Variants in TTLL5 observed in about 807,000 individuals in gnomAD.
TTLL5 encodes the protein tubulin polyglutamylase TTLL5.
A neutral mutation model predicts 168.4 loss-of-function variants in TTLL5; 132 were observed. That is an observed-to-expected ratio of 0.78 (90% CI 0.68 to 0.91). The LOEUF (loss-of-function observed/expected upper bound fraction) is 0.91. Among genes scored for constraint, TTLL5 ranks in the 40% least tolerant of loss-of-function variants. TTLL5 has a pLI of 0.00. For synonymous variants in TTLL5, 546 were observed against 558.6 expected, an observed-to-expected ratio of 0.98 and a Z score of 0.32; for missense variants, 1,545 against 1,581.5, an observed-to-expected ratio of 0.98 and a Z score of 0.39.
intron 17 of TTLL5, 33 bp downstream of exon 17, chr14:75,745,614 C>T (rs769303685): frequency 9.2e-5 from 143 of 1,558,220 alleles, no homozygotes; most frequent in Non-Finnish European, 1.0e-4. Context: ...TTATTCTTTA[C>T]CTGAGGTCCA....
chr14:75,949,867 A>T (rs1213137945), intron 31 of TTLL5, among the ~76,000 whole-genome samples: 1 of 152,158 alleles, frequency 6.6e-6, no homozygotes, highest in African/African-American at 2.4e-5. Flanking sequence ...AAAGAAAAAA[A>T]AAAAAGTTAC....
rs565584612 is a variant in TTLL5, at chr14:75,730,545, T to C, written c.1043-1793T>C. Among the ~76,000 whole-genome samples, 8 of 152,324 alleles carry C rather than the reference T, an allele frequency of 5.3e-5. No homozygotes were observed. In the South Asian group the frequency reaches 1.7e-3, roughly 32 times the overall value. On this transcript the variant is annotated intron_variant, in intron 12 of 31. Coordinates refer to ENST00000298832, the MANE Select transcript of TTLL5 (RefSeq NM_015072.5). ...CAACTCATTCATGGAAAATTTTCCCTAGAGGATTTAGAATATGAATGTCTG... is the reference window on the plus strand; with the variant it reads ...CAACTCATTCATGGAAAATTTTCCCCAGAGGATTTAGAATATGAATGTCTG...
At chr14:75,723,017 A>G (rs919854101) in intron 12 of TTLL5, among the ~76,000 whole-genome samples, 4 of 152,144 alleles carry the variant, frequency 2.6e-5, no homozygotes, top group Admixed American at 2.0e-4. Flanking sequence ...TAGTATCTGT[A>G]TGTTGTCTGG....
At position 75,930,790 on chromosome 14, in the gene TTLL5, A is replaced by G. The variant is rs570025048; in HGVS notation, c.3824-23634A>G. ...TCAACCTTAGCCGGACAATCCTAAC[A>G]TCATTTAAAAGTCTGGCTATGATAA... On this transcript the variant is annotated intron_variant, in intron 31 of 31. Transcript: ENST00000298832. Among the ~76,000 whole-genome samples the G allele has an allele frequency of 4.7e-4, 72 of 152,362 alleles. 1 individual carries two copies. Among genetic ancestry groups the G allele is most frequent in the Admixed American group, 2.7e-3 (41 of 15,306 alleles).
chr14:75,932,204 A>G (rs2034298523), intron 31 of TTLL5, among the ~76,000 whole-genome samples: 1 of 152,162 alleles, frequency 6.6e-6, no homozygotes, highest in East Asian at 1.9e-4. Flanking sequence ...AACTCCATGC[A>G]TCTTTGTAAT....
chr14:75,681,825 A>C (rs1884634997), intron 4 of TTLL5, among the ~76,000 whole-genome samples, 198 bp downstream of exon 4: 2 of 151,900 alleles, frequency 1.3e-5, no homozygotes. Context: ...TTTCCAGATG[A>C]TTTTAGAAAA....
intron 27 of TTLL5, among the ~76,000 whole-genome samples, chr14:75,795,451 G>T (rs10137238): frequency 0.24 from 37,135 of 151,772 alleles, 6,656 homozygotes; most frequent in African/African-American, 0.5. Flanking sequence ...GTAGGTTTTT[G>T]GGGGAACAGG....
intron 31 of TTLL5, among the ~76,000 whole-genome samples, chr14:75,906,348 C>A (rs1212363220): frequency 6.6e-6 from 1 of 152,018 alleles, no homozygotes; most frequent in Non-Finnish European, 1.5e-5. Context: ...CTTTCCAGAG[C>A]CAGAGGGGTA....
intron 31 of TTLL5, among the ~76,000 whole-genome samples, chr14:75,931,620 C>T (rs778508486): frequency 2.6e-5 from 4 of 152,132 alleles, no homozygotes; most frequent in Non-Finnish European, 5.9e-5. Context: ...TGATGCTTCC[C>T]CACTAAAAAG....
intron 24 of TTLL5, among the ~76,000 whole-genome samples, chr14:75,781,639 G>A (rs1489475093): frequency 1.3e-5 from 2 of 152,084 alleles, no homozygotes; most frequent in Non-Finnish European, 2.9e-5. Flanking sequence ...TGAATATACT[G>A]ATCAACCTAT....
chr14:75,788,692 A>G (rs1463881125), intron 26 of TTLL5, among the ~76,000 whole-genome samples: 1 of 152,194 alleles, frequency 6.6e-6, no homozygotes. Flanking sequence ...TAATTTCAAT[A>G]TATTTTTAAA....
chr14:75,852,056 T>G (rs1435745990), intron 28 of TTLL5, among the ~76,000 whole-genome samples: 1 of 152,230 alleles, frequency 6.6e-6, no homozygotes, highest in African/African-American at 2.4e-5. Flanking sequence ...GAGATGGGAT[T>G]AATTTTTATT....
At chr14:75,732,471 A>G in intron 13 of TTLL5, 52 bp downstream of exon 13, 1 of 1,503,616 alleles carries the variant, frequency 6.7e-7, no homozygotes, top group Non-Finnish European at 9.1e-7. Flanking sequence ...TAGTACTTAA[A>G]GCACTTTTTT....
chr14:75,838,877 C>T (rs141109522), intron 28 of TTLL5: 124 of 152,674 alleles, frequency 8.1e-4, no homozygotes, highest in South Asian at 2.5e-3. Flanking sequence ...CTGTCCGCCT[C>T]CTTGGAGCAA....
At chr14:75,715,361 T>C (rs912319188) in intron 9 of TTLL5, among the ~76,000 whole-genome samples, 5 of 151,954 alleles carry the variant, frequency 3.3e-5, no homozygotes, top group African/African-American at 1.2e-4. Context: ...TTTTATATGT[T>C]GTTCAGGTAA....
intron 12 of TTLL5, among the ~76,000 whole-genome samples, chr14:75,725,085 G>C (rs750453603): frequency 6.6e-6 from 1 of 152,214 alleles, no homozygotes; most frequent in Non-Finnish European, 1.5e-5. Context: ...GTTCTGATCA[G>C]AGCCCAGTGA....
intron 27 of TTLL5, among the ~76,000 whole-genome samples, chr14:75,810,399 A>AT (rs1415370273): frequency 6.6e-6 from 1 of 151,974 alleles, no homozygotes; most frequent in East Asian, 1.9e-4. Context: ...CACCCAGGCT[A>AT]GAGTGCCACC....
chr14:75,914,683 G>T (rs528795851), intron 31 of TTLL5, among the ~76,000 whole-genome samples: 199 of 141,740 alleles, frequency 1.4e-3, no homozygotes, highest in Middle Eastern at 4.0e-3. Flanking sequence ...GAATGCAATG[G>T]CCCAATCTCG....
chr14:75,682,944 A>C (rs1379002531), intron 4 of TTLL5, among the ~76,000 whole-genome samples: 1 of 151,790 alleles, frequency 6.6e-6, no homozygotes, highest in Non-Finnish European at 1.5e-5. Context: ...TTAAAAAAAA[A>C]ATTTTTTTTA....
Sources: allele counts gnomAD v4.1 joint callset (sites outside exome capture counted in the v4.1 genomes callset), GRCh38; gene constraint gnomAD v4.1.1; transcripts MANE v1.5; gene names NCBI Gene and HGNC (gene_info 2026-07-23, HGNC 2026-07-21).